Variants in PCDH15 observed in about 807,000 individuals in gnomAD.
PCDH15 encodes the protein protocadherin-15.
PCDH15 carries 129 observed loss-of-function variants against 178.5 expected under a neutral mutation model. That is an observed-to-expected ratio of 0.72 (90% confidence interval 0.63 to 0.84). The LOEUF (loss-of-function observed/expected upper bound fraction) is 0.84. Among genes scored for constraint, PCDH15 ranks in the 40% least tolerant of loss-of-function variants. The pLI is 0.00. For synonymous variants in PCDH15, 800 were observed against 732.0 expected (o/e 1.09, Z -1.50); for missense variants, 2,230 against 2,099.9 (o/e 1.06, Z -1.21).
chr10:53,895,729 T>C, intron 26 of PCDH15, among the ~76,000 whole-genome samples: 1 of 152,224 alleles, frequency 6.6e-6, no homozygotes, highest in East Asian at 1.9e-4. Context: ...AAAAGTGTTT[T>C]TAAAATCAAA....
intron 23 of PCDH15, among the ~76,000 whole-genome samples, chr10:53,947,357 G>T (rs1001342539): frequency 6.6e-6 from 1 of 152,052 alleles, no homozygotes; most frequent in Non-Finnish European, 1.5e-5. Flanking sequence ...GGCAATTTAG[G>T]ATATAAAAGT....
upstream of PCDH15, among the ~76,000 whole-genome samples, chr10:54,803,537 T>C (rs1035634511): frequency 2.0e-5 from 3 of 152,122 alleles, no homozygotes; most frequent in Non-Finnish European, 2.9e-5. Flanking sequence ...CACCGTTTTT[T>C]TTCTTTCCAC....
intron 2 of PCDH15, among the ~76,000 whole-genome samples, chr10:55,038,763 A>G (rs1406525265): frequency 6.6e-6 from 1 of 152,130 alleles, no homozygotes; most frequent in Non-Finnish European, 1.5e-5. Context: ...GCAGTGTTGG[A>G]AGGGATTCAC....
intron 1 of PCDH15, among the ~76,000 whole-genome samples, chr10:55,284,933 T>C (rs1327008565): frequency 6.6e-6 from 1 of 151,556 alleles, no homozygotes; most frequent in Non-Finnish European, 1.5e-5. Context: ...AGAAAAGAAA[T>C]AGTCAAAGAC....
At chr10:55,297,466 T>C (rs1358733738) in intron 1 of PCDH15, among the ~76,000 whole-genome samples, 4 of 152,106 alleles carry the variant, frequency 2.6e-5, no homozygotes, top group African/African-American at 7.2e-5. Flanking sequence ...TAAGTCCATC[T>C]CTTTCATGTA....
chr10:54,266,209 C>T (rs1164899987), intron 8 of PCDH15, among the ~76,000 whole-genome samples: 2 of 151,400 alleles, frequency 1.3e-5, no homozygotes, highest in Non-Finnish European at 3.0e-5. Context: ...GAATGACTTT[C>T]ATTTGGGTAA....
intron 1 of PCDH15, among the ~76,000 whole-genome samples, chr10:54,704,015 T>C (rs2095340873): frequency 6.6e-6 from 1 of 152,082 alleles, no homozygotes; most frequent in African/African-American, 2.4e-5. Flanking sequence ...AACAATTCAG[T>C]GTTCAACAAA....
intron 8 of PCDH15, among the ~76,000 whole-genome samples, chr10:54,244,220 G>A (rs1032222318): frequency 1.3e-5 from 2 of 152,168 alleles, no homozygotes; most frequent in African/African-American, 4.8e-5. Flanking sequence ...CTTGTATAAT[G>A]TGACTGAATT....
chr10:54,280,041 C>T (rs2058587506), intron 8 of PCDH15, among the ~76,000 whole-genome samples: 1 of 151,646 alleles, frequency 6.6e-6, no homozygotes, highest in Non-Finnish European at 1.5e-5. Flanking sequence ...ATATATTACA[C>T]ATTTATGCTG....
At chr10:54,436,910 A>G (rs779884963) in intron 3 of PCDH15, among the ~76,000 whole-genome samples, 2 of 152,144 alleles carry the variant, frequency 1.3e-5, no homozygotes, top group Non-Finnish European at 2.9e-5. Context: ...TGCTATAACT[A>G]CCTCACCTCT....
chr10:55,425,643 C>T lies in PCDH15; in HGVS notation c.-156+201982G>A, dbSNP rs16913845. ...TCTTGTGGGTCTGAGAAGAGTTACC[C>T]GCTACTAGCTTTTCACACACACACA... is the stretch of plus-strand genomic sequence containing the variant. On this transcript the variant is annotated intron_variant, in intron 2 of 5. Coordinates refer to the PCDH15 transcript ENST00000613346. 3.9e-4 allele frequency among the ~76,000 whole-genome samples: 57 copies of T among 147,830 alleles called. No individual in the cohort carries two copies. In the East Asian group the frequency reaches 8.7e-3, roughly 23 times the overall value.
At chr10:55,502,351 C>A (rs1377276846) in intron 2 of PCDH15, among the ~76,000 whole-genome samples, 1 of 151,578 alleles carries the variant, frequency 6.6e-6, no homozygotes, top group Non-Finnish European at 1.5e-5. Flanking sequence ...CCAGAGAGCA[C>A]CCTTTCAAGC....
chr10:53,891,036 T>C (rs2081519777), intron 26 of PCDH15, among the ~76,000 whole-genome samples: 1 of 152,112 alleles, frequency 6.6e-6, no homozygotes, highest in Non-Finnish European at 1.5e-5. Flanking sequence ...AATTCAAAAT[T>C]AAGATACATT....
intron 2 of PCDH15, among the ~76,000 whole-genome samples, chr10:54,989,865 G>A (rs1264908504): frequency 6.6e-6 from 1 of 152,138 alleles, no homozygotes; most frequent in Non-Finnish European, 1.5e-5. Flanking sequence ...ACATCTTGTG[G>A]GAGGGACCCA....
chr10:54,617,864 G>T (rs116107292), intron 2 of PCDH15, among the ~76,000 whole-genome samples: 1 of 149,968 alleles, frequency 6.7e-6, no homozygotes. Context: ...GGCAGAGATC[G>T]CACTGAGCTG....
chr10:54,689,142 T>A (rs927222412), intron 1 of PCDH15, among the ~76,000 whole-genome samples: 4 of 152,058 alleles, frequency 2.6e-5, no homozygotes, highest in African/African-American at 9.7e-5. Context: ...CACAACTACA[T>A]AAACCTTAAA....
At chr10:54,289,118 G>A (rs1275416167) in intron 8 of PCDH15, among the ~76,000 whole-genome samples, 1 of 152,176 alleles carries the variant, frequency 6.6e-6, no homozygotes, top group African/African-American at 2.4e-5. Flanking sequence ...AGTACGGGCT[G>A]ACAGACACCT....
intron 25 of PCDH15, among the ~76,000 whole-genome samples, chr10:53,926,978 A>G (rs2084613678): frequency 1.3e-5 from 2 of 152,202 alleles, no homozygotes; most frequent in South Asian, 4.1e-4. Flanking sequence ...TTAATTTAAC[A>G]TACTTTTCAT....
intron 2 of PCDH15, among the ~76,000 whole-genome samples, chr10:55,082,540 GAAGAA>G (rs1842068103): frequency 7.2e-6 from 1 of 139,646 alleles, no homozygotes; most frequent in African/African-American, 2.6e-5. Context: ...AAAATTAGTA[GAAGAA>G]AAGAAAGATC....
Sources: allele counts gnomAD v4.1 joint callset (sites outside exome capture counted in the v4.1 genomes callset), GRCh38; gene constraint gnomAD v4.1.1; transcripts MANE v1.5; gene names NCBI Gene and HGNC (gene_info 2026-07-23, HGNC 2026-07-21).